ADAP1: variants seen among roughly 807,000 people sequenced by gnomAD.
ADAP1 encodes arf-GAP with dual PH domain-containing protein 1.
A neutral mutation model predicts 54.9 loss-of-function variants in ADAP1; 31 were observed. The ratio of observed to expected loss-of-function variants is 0.56; its 90% CI spans 0.42 to 0.76. The LOEUF (loss-of-function observed/expected upper bound fraction) is 0.76. Among genes scored for constraint, ADAP1 ranks in the 30% least tolerant of loss-of-function variants. The pLI is 0.00. For missense variants in ADAP1, 535 were observed against 512.4 expected (o/e 1.04, Z -0.42); for synonymous variants, 313 against 202.6 (o/e 1.55, Z -4.63).
Position 919,670 on chromosome 7 carries a change from C to G in ADAP1, c.388+298G>C, listed in dbSNP as rs1420306236. On this transcript the variant is annotated intron_variant, in intron 4 of 10. Coordinates refer to ENST00000265846, the MANE Select transcript of ADAP1 (RefSeq NM_006869.4). ...AGAGACACAGAGAGATAAAGAGAGA[C>G]AGAAGGAGGGAGAGAGAGAGAGATA... is the stretch of plus-strand genomic sequence containing the variant. 4.8e-5 allele frequency among the ~76,000 whole-genome samples: 4 copies of G among 83,954 alleles called. No homozygotes were observed. The East Asian group carries it at 1.3e-3, about 28-fold the overall frequency. The allele number at this position is 83,954 out of a possible 152,430, so 55.1% of individuals were successfully genotyped here.
At chr7:900,047 A>T in intron 8 of ADAP1, 55 bp downstream of exon 8, 2 of 1,602,162 alleles carry the variant, frequency 1.2e-6, no homozygotes, top group Non-Finnish European at 1.7e-6. Flanking sequence ...CTTCAGTCCG[A>T]GACCCACCAT....
At chr7:929,101 G>T (rs1846481129) in intron 2 of ADAP1, among the ~76,000 whole-genome samples, 1 of 152,020 alleles carries the variant, frequency 6.6e-6, no homozygotes, top group African/African-American at 2.4e-5. Context: ...AGACCAGCCT[G>T]GGCAACACGG....
In ADAP1 at chr7:946,252, C is replaced by T. The variant is rs545826660; in HGVS notation, c.82+8144G>A. 3.9e-5 allele frequency among the ~76,000 whole-genome samples: 6 copies of T among 152,274 alleles called. No homozygotes were observed. In the South Asian group the frequency reaches 6.2e-4, roughly 16 times the overall value. ...TGGCCCCTGCAGGGATCCAGGCTCC[C>T]GCCGGCCGGTGGATCCCCGCCAGCG... is the stretch of plus-strand genomic sequence containing the variant. On this transcript the variant is annotated intron_variant, in intron 1 of 10. Coordinates refer to ENST00000265846, the MANE Select transcript of ADAP1 (RefSeq NM_006869.4). This position sits in a 1 kb window ranked among gnomAD's most constrained non-coding sequence, Gnocchi z 4.3.
chr7:904,912 A>T, intron 5 of ADAP1, 148 bp downstream of exon 5: 1 of 712,984 alleles, frequency 1.4e-6, no homozygotes, highest in African/African-American at 1.7e-5. Flanking sequence ...GCTCAGCCCA[A>T]CACAGGCCGG....
chr7:913,544 A>G (rs113266740), intron 4 of ADAP1, among the ~76,000 whole-genome samples: 2,307 of 152,030 alleles, frequency 0.015, 48 homozygotes, highest in African/African-American at 0.052. Context: ...GTATATGTCT[A>G]TGGACTTGGG....
At chr7:907,125 T>C (rs892553520) in intron 4 of ADAP1, among the ~76,000 whole-genome samples, 5 of 152,260 alleles carry the variant, frequency 3.3e-5, no homozygotes, top group African/African-American at 9.6e-5. Flanking sequence ...AAAGCTCATC[T>C]GAGGGGAGTC....
In ADAP1 at chr7:898,834, C is replaced by A; in HGVS notation, c.*87G>T. 6.5e-7 allele frequency: 1 copy of A among 1,530,752 alleles called. No individual in the cohort carries two copies. The highest frequency in any genetic ancestry group is 8.8e-7 in the Non-Finnish European group (1 of 1,136,032). The allele number at this position is 1,530,752 out of a possible 1,614,324, so 94.8% of individuals were successfully genotyped here. On this transcript the variant is annotated 3_prime_UTR_variant, in exon 11 of 11. Coordinates refer to ENST00000265846, the MANE Select transcript of ADAP1 (RefSeq NM_006869.4). ...CTGAGGAGCAGGTGGGGCCAGGTGG[C>A]CTCAGGACGCCAGAGCCCCCCCATC...
chr7:906,475 AGGAGAAAGGAGAAAGGGAAAGGAGAAAG>A (rs1845347689), intron 4 of ADAP1, among the ~76,000 whole-genome samples: 14 of 116,544 alleles, frequency 1.2e-4, no homozygotes, highest in Non-Finnish European at 1.9e-4. Flanking sequence ...GAAAGGAGAA[AGGAGAAAGGAGAAAGGGAAAGGAGAAAG>A]GGAGAAAGGA....
intron 6 of ADAP1, among the ~76,000 whole-genome samples, chr7:901,708 C>G (rs1359170148): frequency 6.6e-6 from 1 of 151,424 alleles, no homozygotes; most frequent in African/African-American, 2.4e-5. Flanking sequence ...CTAGGCCACG[C>G]CCACAAGCCA....
rs953460787 is a variant in ADAP1 at position 938,567 on chromosome 7, C to G, written c.83-3062G>C. ...CCCAGAAGAGAGAGACCTGACTCCCCCCGGGCTCCGTCTTCTCCCGAAGCC... is the reference window on the plus strand; with the variant it reads ...CCCAGAAGAGAGAGACCTGACTCCCGCCGGGCTCCGTCTTCTCCCGAAGCC... On this transcript the variant is annotated intron_variant, in intron 1 of 10. Coordinates refer to ENST00000265846, the MANE Select transcript of ADAP1 (RefSeq NM_006869.4). The surrounding 1 kb of genome is among the most constrained non-coding windows in gnomAD (Gnocchi z 4.4). Among the ~76,000 whole-genome samples the G allele has an allele frequency of 3.9e-5, 6 of 152,178 alleles. No individual in the cohort carries two copies. Among genetic ancestry groups the G allele is most frequent in the African/African-American group, 1.4e-4 (6 of 41,432 alleles).
chr7:936,831 C>T (rs1342513850), intron 1 of ADAP1, among the ~76,000 whole-genome samples: 3 of 152,216 alleles, frequency 2.0e-5, no homozygotes, highest in African/African-American at 7.2e-5. Context: ...TTTGGGGAAT[C>T]ATGAGTGGAG....
chr7:942,128 T>C (rs1238973691), intron 1 of ADAP1, among the ~76,000 whole-genome samples: 2 of 152,226 alleles, frequency 1.3e-5, no homozygotes, highest in East Asian at 3.9e-4. Context: ...TCTCACCATA[T>C]CCAAAAATTA....
intron 4 of ADAP1, among the ~76,000 whole-genome samples, chr7:906,697 G>GA (rs1845422263): frequency 4.8e-5 from 2 of 42,102 alleles, no homozygotes; most frequent in African/African-American, 2.1e-4. Flanking sequence ...CGGGGGACAT[G>GA]GACATGGGGG....
rs60640246 is a variant in ADAP1 at position 906,806 on chromosome 7, G to GGGTGACATGGGTGACAC, written c.389-1635_389-1634insGTGTCACCCATGTCACC. ...ACACGGGGGACGGGACAGGGGACATGGGGGGACATGGGTCAGATGGTGATG... is the reference window on the plus strand; with the variant it reads ...ACACGGGGGACGGGACAGGGGACATGGGTGACATGGGTGACACGGGGGACATGGGTCAGATGGTGATG... On this transcript the variant is annotated intron_variant, in intron 4 of 10. Transcript: ENST00000265846. Among the ~76,000 whole-genome samples, 4 of 44,398 alleles carry GGGTGACATGGGTGACAC rather than the reference G, an allele frequency of 9.0e-5. 1 individual carries two copies. The highest frequency in any genetic ancestry group is 3.6e-4 in the African/African-American group (4 of 10,960). 29.1% of individuals were successfully genotyped at this position (44,398 alleles called of 152,430 possible).
chr7:921,568 G>GCT (rs1846192551), intron 3 of ADAP1, among the ~76,000 whole-genome samples: 1 of 152,208 alleles, frequency 6.6e-6, no homozygotes, highest in Non-Finnish European at 1.5e-5. Flanking sequence ...TCCCACCTGG[G>GCT]CCTCCTACAG....
At chr7:951,389 A>C (rs1047097215) in intron 1 of ADAP1, among the ~76,000 whole-genome samples, 13 of 145,942 alleles carry the variant, frequency 8.9e-5, no homozygotes, top group African/African-American at 3.1e-4. Context: ...AAAAAAAAAT[A>C]TCCAACCTAG....
rs376785579 is a variant in ADAP1, at chr7:906,822, G to T, written c.389-1650C>A. ...AGGGGACATGGGGGGACATGGGTCA[G>T]ATGGTGATGGTGGATGGTTGGTGAG... On this transcript the variant is annotated intron_variant, in intron 4 of 10. Coordinates refer to ENST00000265846, the MANE Select transcript of ADAP1 (RefSeq NM_006869.4). Among the ~76,000 whole-genome samples the T allele has an allele frequency of 2.2e-4, 22 of 99,732 alleles. No individual in the cohort carries two copies. In the East Asian group the frequency reaches 4.3e-3, roughly 19 times the overall value. 65.4% of individuals were successfully genotyped at this position (99,732 alleles called of 152,430 possible).
chr7:916,150 C>A (rs539744864), intron 4 of ADAP1, among the ~76,000 whole-genome samples: 2 of 152,350 alleles, frequency 1.3e-5, no homozygotes, highest in Non-Finnish European at 2.9e-5. Flanking sequence ...TTTTCCAGCA[C>A]TTCTGTGAGC....
intron 4 of ADAP1, among the ~76,000 whole-genome samples, chr7:916,087 G>A (rs980564974): frequency 1.3e-5 from 2 of 152,206 alleles, no homozygotes; most frequent in Non-Finnish European, 2.9e-5. Context: ...AGGGCGCCAC[G>A]TTTCCCAAGT....
Sources: gnomAD v4.1 joint callset for allele counts (sites outside exome capture counted in the v4.1 genomes callset) on GRCh38, gnomAD v4.1.1 for gene constraint, Gnocchi (gnomAD v3.1) non-coding constraint, MANE v1.5 for transcripts, NCBI Gene and HGNC (gene_info 2026-07-23, HGNC 2026-07-21) for gene names.